The following NFATC2 variants were observed in gnomAD, a reference collection of about 807,000 sequenced individuals.
The protein encoded by NFATC2 is nuclear factor of activated T-cells, cytoplasmic 2.
A neutral mutation model predicts 87.3 loss-of-function variants in NFATC2; 22 were observed. The observed-to-expected ratio is 0.25, with a 90% CI of 0.18 to 0.36. The LOEUF is 0.36. Ranked by LOEUF, NFATC2 falls within the 10% of genes least tolerant of loss-of-function variation. The pLI, the probability that NFATC2 is intolerant of heterozygous loss-of-function variation, is 1.00. For synonymous variants in NFATC2, 565 were observed against 542.2 expected (o/e 1.04, Z -0.58); for missense variants, 1,149 against 1,259.1 (o/e 0.91, Z 1.32).
intron 1 of NFATC2, among the ~76,000 whole-genome samples, chr20:51,554,598 T>A: frequency 6.6e-6 from 1 of 152,170 alleles, no homozygotes; most frequent in East Asian, 1.9e-4. Context: ...ACAGACACGA[T>A]TTCCTTTCAA....
At chr20:51,448,459 G>A (rs1985356452) in intron 6 of NFATC2, among the ~76,000 whole-genome samples, 1 of 152,222 alleles carries the variant, frequency 6.6e-6, no homozygotes, top group Admixed American at 6.5e-5. Context: ...GGCTAACATG[G>A]TGAAACCCCG....
At chr20:51,553,631 A>C (rs970908411) in intron 1 of NFATC2, among the ~76,000 whole-genome samples, 3 of 143,872 alleles carry the variant, frequency 2.1e-5, no homozygotes, top group Admixed American at 7.3e-5. Flanking sequence ...AGCCGAGATC[A>C]TGCCACTGCA....
chr20:51,401,139 G>C (rs529657317), intron 9 of NFATC2, among the ~76,000 whole-genome samples: 1 of 152,316 alleles, frequency 6.6e-6, no homozygotes, highest in East Asian at 1.9e-4. Flanking sequence ...GGAGGCCGAA[G>C]TGGGTGGATC....
At chr20:51,509,421 A>G (rs2146664653) in intron 3 of NFATC2, among the ~76,000 whole-genome samples, 1 of 152,274 alleles carries the variant, frequency 6.6e-6, no homozygotes, top group Middle Eastern at 3.4e-3. Flanking sequence ...AGTATTTTTA[A>G]TAAATGAGCA....
At chr20:51,452,179 T>C (rs1985880274) in intron 6 of NFATC2, among the ~76,000 whole-genome samples, 1 of 152,116 alleles carries the variant, frequency 6.6e-6, no homozygotes, top group Non-Finnish European at 1.5e-5. Flanking sequence ...CCTGGGTACG[T>C]GTGATTCAAA....
intron 1 of NFATC2, among the ~76,000 whole-genome samples, chr20:51,528,985 T>C (rs1303703087): frequency 6.6e-6 from 1 of 152,212 alleles, no homozygotes; most frequent in South Asian, 2.1e-4. Flanking sequence ...TGTAGTTTAA[T>C]GTAAATGTGT....
intron 5 of NFATC2, among the ~76,000 whole-genome samples, chr20:51,457,885 CCT>C (rs1491519950): frequency 8.8e-5 from 7 of 79,678 alleles, no homozygotes; most frequent in East Asian, 4.7e-4. Flanking sequence ...CCCTCCTCGT[CCT>C]TTTTTTTTTT....
At chr20:51,507,130 G>T (rs1050910551) in intron 3 of NFATC2, among the ~76,000 whole-genome samples, 1 of 152,242 alleles carries the variant, frequency 6.6e-6, no homozygotes, top group African/African-American at 2.4e-5. Flanking sequence ...GTGGATGAAT[G>T]AGTGAGTGGG....
intron 3 of NFATC2, among the ~76,000 whole-genome samples, chr20:51,487,449 G>A (rs7266299): frequency 0.055 from 8,352 of 152,226 alleles, 291 homozygotes; most frequent in African/African-American, 0.097. Context: ...TTTACCTATG[G>A]AACAAACCTC....
chr20:51,398,071 C>T (rs7263922), intron 10 of NFATC2, among the ~76,000 whole-genome samples: 14,438 of 100,800 alleles, frequency 0.14, 1,041 homozygotes, highest in East Asian at 0.51. Flanking sequence ...AAACTCAGTT[C>T]CAAGGGGCTG....
chr20:51,557,617 T>C (rs924259930), intron 1 of NFATC2, among the ~76,000 whole-genome samples: 1 of 152,168 alleles, frequency 6.6e-6, no homozygotes, highest in East Asian at 1.9e-4. Flanking sequence ...GCTGGGACAA[T>C]GTGGAAGTCA....
chr20:51,518,867 C>T (rs2076396014), intron 2 of NFATC2, among the ~76,000 whole-genome samples: 1 of 152,116 alleles, frequency 6.6e-6, no homozygotes, highest in African/African-American at 2.4e-5. Context: ...GTGGTGCAAT[C>T]ATAGCTCACT....
At chr20:51,427,381 G>A (rs963234406) in intron 9 of NFATC2, among the ~76,000 whole-genome samples, 1 of 152,112 alleles carries the variant, frequency 6.6e-6, no homozygotes, top group African/African-American at 2.4e-5. Context: ...TTTATGCAAG[G>A]GAAGCTGAGA....
intron 1 of NFATC2, among the ~76,000 whole-genome samples, chr20:51,549,451 T>C (rs6021282): frequency 1.3e-5 from 2 of 152,090 alleles, no homozygotes; most frequent in African/African-American, 4.8e-5. Flanking sequence ...TTGAGTTCTT[T>C]ACAACAAGAC....
At chr20:51,510,473 G>T (rs1289334388) in intron 3 of NFATC2, among the ~76,000 whole-genome samples, 1 of 152,212 alleles carries the variant, frequency 6.6e-6, no homozygotes, top group Non-Finnish European at 1.5e-5. Context: ...TCCACCAAAA[G>T]CGTGTGGCTC....
intron 9 of NFATC2, 108 bp from the exon 10 acceptor site, chr20:51,398,838 T>C (rs1427544285): frequency 9.0e-6 from 7 of 777,894 alleles, no homozygotes; most frequent in African/African-American, 3.4e-5. Context: ...GGAGGGAACT[T>C]AACCCTTTGG....
At chr20:51,431,991 C>T (rs990880693) in intron 9 of NFATC2, 76 bp downstream of exon 9, 1 of 1,416,278 alleles carries the variant, frequency 7.1e-7, no homozygotes, top group African/African-American at 1.4e-5. Context: ...ATCCGTAGGC[C>T]ATGCAGTGAA....
chr20:51,445,337 C>G (rs1984925050), intron 6 of NFATC2, among the ~76,000 whole-genome samples: 1 of 152,156 alleles, frequency 6.6e-6, no homozygotes, highest in South Asian at 2.1e-4. Flanking sequence ...GCCTGGGACA[C>G]TCTCCCAGCA....
intron 5 of NFATC2, among the ~76,000 whole-genome samples, chr20:51,458,831 CA>C (rs1295166755): frequency 6.6e-6 from 1 of 151,960 alleles, no homozygotes; most frequent in African/African-American, 2.4e-5. Flanking sequence ...AAAAAATCTT[CA>C]AATGATTACA....
Sources: gnomAD v4.1 joint callset for allele counts (sites outside exome capture counted in the v4.1 genomes callset) on GRCh38, gnomAD v4.1.1 for gene constraint, MANE v1.5 for transcripts, NCBI Gene and HGNC (gene_info 2026-07-23, HGNC 2026-07-21) for gene names.